RNF125: variants seen among roughly 807,000 people sequenced by gnomAD.
The protein encoded by RNF125 is ring finger protein 125, also known as E3 ubiquitin-protein ligase RNF125.
A neutral mutation model predicts 26.0 loss-of-function variants in RNF125; 21 were observed. The observed-to-expected ratio is 0.81, with a 90% CI of 0.57 to 1.16. RNF125 has a LOEUF of 1.16. RNF125 is among the 50% of genes most tolerant of loss of function. RNF125 has a pLI of 0.00. For synonymous variants in RNF125, 95 were observed against 109.2 expected, an observed-to-expected ratio of 0.87 and a Z score of 0.81; for missense variants, 270 against 299.4, an observed-to-expected ratio of 0.90 and a Z score of 0.72.
intron 1 of RNF125, 103 bp downstream of exon 1, chr18:32,019,130 T>A (rs2038960938): frequency 7.1e-7 from 1 of 1,401,924 alleles, no homozygotes; most frequent in African/African-American, 1.5e-5. Flanking sequence ...GACAGCCTCT[T>A]AGGAAATTGC....
intron 4 of RNF125, among the ~76,000 whole-genome samples, chr18:32,058,304 ACCTTAAGCATT>A (rs1171030749): frequency 6.6e-6 from 1 of 152,040 alleles, no homozygotes; most frequent in African/African-American, 2.4e-5. Context: ...CATACCCATC[ACCTTAAGCATT>A]TATCCTTTCT....
chr18:32,037,962 G>GT (rs1483969046), intron 2 of RNF125, among the ~76,000 whole-genome samples: 1 of 151,916 alleles, frequency 6.6e-6, no homozygotes, highest in African/African-American at 2.4e-5. Flanking sequence ...ACCGGCTTGG[G>GT]TCCCCTTCCA....
the RNF125 span, among the ~76,000 whole-genome samples, chr18:32,085,748 C>A: frequency 7.0e-6 from 1 of 142,352 alleles, no homozygotes; most frequent in African/African-American, 2.5e-5. Flanking sequence ...AACTTGGTTT[C>A]GTTCTTCCTT....
At position 32,069,411 on chromosome 18, in the gene RNF125, T is replaced by C. The variant is rs2039514180; in HGVS notation, c.*1027T>C. 1 of 152,184 alleles carries C rather than the reference T, an allele frequency of 6.6e-6. No homozygotes were observed. Among genetic ancestry groups the C allele is most frequent in the African/African-American group, 2.4e-5 (1 of 41,462 alleles). The allele number at this position is 152,184 out of a possible 1,614,324, so 9.4% of individuals were successfully genotyped here. A position where few individuals can be genotyped will look rare whatever the true frequency, so the allele number is the denominator to read the frequency against. ...AAAAACCATCAGATGATACTTACAGTATAAGTATTCACATCCAGACTTTTT... is the reference window on the plus strand; with the variant it reads ...AAAAACCATCAGATGATACTTACAGCATAAGTATTCACATCCAGACTTTTT... On this transcript the variant is annotated 3_prime_UTR_variant, in exon 6 of 6. Coordinates refer to ENST00000217740, the MANE Select transcript of RNF125 (RefSeq NM_017831.4).
At chr18:32,090,434 G>A in the RNF125 span, among the ~76,000 whole-genome samples, 7 of 152,230 alleles carry the variant, frequency 4.6e-5, no homozygotes, top group South Asian at 4.1e-4. Flanking sequence ...CTTCCACTGC[G>A]CTTGCTGCTA....
chr18:32,021,470 T>C (rs1326480763), intron 1 of RNF125, among the ~76,000 whole-genome samples: 1 of 152,134 alleles, frequency 6.6e-6, no homozygotes, highest in East Asian at 1.9e-4. Flanking sequence ...ATGTTGTTGC[T>C]CAGCTGTCCA....
chr18:32,075,834 TTGTG>T (rs2039566587), downstream of RNF125: 21 of 705,994 alleles, frequency 3.0e-5, no homozygotes, highest in South Asian at 3.1e-4. Context: ...TTGTTGTTGT[TTGTG>T]TGTGTATGTC....
chr18:32,039,752 G>T (rs12967730), intron 2 of RNF125, among the ~76,000 whole-genome samples: 12,813 of 148,008 alleles, frequency 0.087, 680 homozygotes, highest in Non-Finnish European at 0.13. Flanking sequence ...TAATCACAAA[G>T]ATTTTGATTT....
intron 1 of RNF125, among the ~76,000 whole-genome samples, chr18:32,036,399 C>T (rs113483519): frequency 6.6e-6 from 1 of 151,606 alleles, no homozygotes; most frequent in African/African-American, 2.4e-5. Context: ...AGGTCATGCT[C>T]ATGTGTATAA....
chr18:32,032,730 G>C (rs927899739), intron 1 of RNF125, among the ~76,000 whole-genome samples: 17 of 152,026 alleles, frequency 1.1e-4, no homozygotes, highest in Admixed American at 1.1e-3. Context: ...GGTGGCTCAC[G>C]CCTGTATAAT....
intron 4 of RNF125, among the ~76,000 whole-genome samples, chr18:32,053,402 G>A (rs1026557500): frequency 6.6e-6 from 1 of 151,344 alleles, no homozygotes; most frequent in Non-Finnish European, 1.5e-5. Flanking sequence ...GTCATTCACA[G>A]TGAGGACTGT....
intron 1 of RNF125, among the ~76,000 whole-genome samples, chr18:32,019,680 AGAGTTT>A (rs1022945285): frequency 2.6e-5 from 4 of 152,060 alleles, no homozygotes; most frequent in African/African-American, 4.8e-5. Flanking sequence ...CACAGTTGTT[AGAGTTT>A]AACAACCTGC....
intron 1 of RNF125, among the ~76,000 whole-genome samples, chr18:32,026,557 G>T (rs1280592642): frequency 6.6e-6 from 1 of 152,056 alleles, no homozygotes; most frequent in Non-Finnish European, 1.5e-5. Context: ...CCAGTCTTTT[G>T]TGGGAGCAGA....
chr18:32,029,470 A>C (rs1276352128), intron 1 of RNF125, among the ~76,000 whole-genome samples: 1 of 151,652 alleles, frequency 6.6e-6, no homozygotes, highest in Non-Finnish European at 1.5e-5. Context: ...CAGAAAAAAA[A>C]AAAAAAAAAG....
rs151113382 is a variant in RNF125 at position 32,058,093 on chromosome 18, T to C, written c.505-7809T>C. The stretch of plus-strand genomic sequence containing the variant: ...GTTACAGTGAGCCATGATCATACCA[T>C]TGCACTCCAGCCTGGGTGACAGAGT... On this transcript the variant is annotated intron_variant, in intron 4 of 5. Coordinates refer to ENST00000217740, the MANE Select transcript of RNF125 (RefSeq NM_017831.4). Among the ~76,000 whole-genome samples the C allele has an allele frequency of 2.5e-3, 357 of 144,470 alleles. 4 individuals carry two copies. The highest frequency in any genetic ancestry group is 0.014 in the East Asian group (67 of 4,872). The allele number at this position is 144,470 out of a possible 152,430, so 94.8% of individuals were successfully genotyped here.
chr18:32,029,190 T>G (rs1445697224), intron 1 of RNF125, among the ~76,000 whole-genome samples: 1 of 152,202 alleles, frequency 6.6e-6, no homozygotes, highest in Non-Finnish European at 1.5e-5. Context: ...GTTTTATAAT[T>G]TTAAGTGAAC....
chr18:32,064,396 C>T (rs866748286), intron 4 of RNF125, among the ~76,000 whole-genome samples: 49 of 86,836 alleles, frequency 5.6e-4, no homozygotes, highest in Admixed American at 6.5e-4. Context: ...TTTTCTTTTT[C>T]TTTTTTTTTT....
rs1369142385 is a variant in RNF125, at chr18:32,073,024, C to T, written c.*4640C>T. The T allele has an allele frequency of 2.3e-5, 3 of 129,500 alleles. No individual in the cohort carries two copies. The highest frequency in any genetic ancestry group is 4.9e-5 in the Non-Finnish European group (3 of 61,820). The allele number at this position is 129,500 out of a possible 1,614,324, so 8.0% of individuals were successfully genotyped here. On this transcript the variant is annotated 3_prime_UTR_variant, in exon 6 of 6. Coordinates refer to ENST00000217740, the MANE Select transcript of RNF125 (RefSeq NM_017831.4). ...TATCATATCATAATTTGCATTTTTC[C>T]AACATTGAAGGTATTTTAAAAAGTC...
the RNF125 span, among the ~76,000 whole-genome samples, chr18:32,085,185 A>G: frequency 1.3e-5 from 2 of 152,186 alleles, no homozygotes; most frequent in Non-Finnish European, 1.5e-5. Context: ...AGGGTGGTTC[A>G]GTAGAGGATG....
Sources: allele counts gnomAD v4.1 joint callset (sites outside exome capture counted in the v4.1 genomes callset), GRCh38; gene constraint gnomAD v4.1.1; transcripts MANE v1.5; gene names NCBI Gene and HGNC (gene_info 2026-07-23, HGNC 2026-07-21).